LRP1B: variants seen among roughly 807,000 people sequenced by gnomAD.
LRP1B encodes LDL receptor related protein 1B, also known as low-density lipoprotein receptor-related protein 1B.
Under a neutral mutation model 556.6 loss-of-function variants are expected in LRP1B, and 217 were observed. That is an observed-to-expected ratio of 0.39 (90% CI 0.35 to 0.44). The LOEUF is 0.44. Among genes scored for constraint, LRP1B ranks in the 20% least tolerant of loss-of-function variants. The pLI is 1.00. For synonymous variants in LRP1B, 2,047 were observed against 1,865.8 expected, an observed-to-expected ratio of 1.10 and a Z score of -2.50; for missense variants, 5,053 against 5,620.8, an observed-to-expected ratio of 0.90 and a Z score of 3.23.
chr2:140,535,673 T>C (rs979237580), intron 46 of LRP1B, among the ~76,000 whole-genome samples: 1 of 152,088 alleles, frequency 6.6e-6, no homozygotes, highest in Non-Finnish European at 1.5e-5. Flanking sequence ...TAAAAATAAA[T>C]CAGGACAATT....
chr2:141,128,063 C>A (rs916556608), intron 7 of LRP1B, among the ~76,000 whole-genome samples: 13 of 152,078 alleles, frequency 8.5e-5, no homozygotes, highest in African/African-American at 2.9e-4. Flanking sequence ...TCATTGTAAC[C>A]TCAAACACCT....
chr2:141,199,937 G>C (rs1384399966), intron 6 of LRP1B, among the ~76,000 whole-genome samples: 2 of 152,050 alleles, frequency 1.3e-5, no homozygotes, highest in African/African-American at 4.8e-5. Context: ...ATGCTTCCAA[G>C]GCTTCAGATA....
chr2:140,998,146 A>G (rs1697308358), intron 15 of LRP1B, among the ~76,000 whole-genome samples: 1 of 152,084 alleles, frequency 6.6e-6, no homozygotes, highest in African/African-American at 2.4e-5. Flanking sequence ...GGGCTCCAGA[A>G]GGTGATAAAG....
At chr2:141,362,094 G>C (rs1460066145) in intron 3 of LRP1B, among the ~76,000 whole-genome samples, 2 of 152,112 alleles carry the variant, frequency 1.3e-5, no homozygotes, top group Non-Finnish European at 2.9e-5. Context: ...GAGCTATTTA[G>C]TATCTAAGAT....
At chr2:142,022,669 TATTTA>T (rs1294365425) in intron 1 of LRP1B, among the ~76,000 whole-genome samples, 3 of 152,092 alleles carry the variant, frequency 2.0e-5, no homozygotes, top group African/African-American at 7.2e-5. Context: ...TATTTTATTT[TATTTA>T]TTTATTTATT....
intron 1 of LRP1B, among the ~76,000 whole-genome samples, chr2:142,045,142 G>GGA (rs1491293085): frequency 1.4e-5 from 2 of 145,164 alleles, no homozygotes; most frequent in African/African-American, 2.5e-5. Flanking sequence ...ACCCAAGGGG[G>GGA]AAAAAAAAAA....
chr2:142,005,691 A>T (rs911237733), intron 1 of LRP1B, among the ~76,000 whole-genome samples: 1 of 152,130 alleles, frequency 6.6e-6, no homozygotes, highest in East Asian at 1.9e-4. Context: ...TCTTTATTAA[A>T]AGGGTTGTTA....
At chr2:140,259,804 C>CA (rs1398894646) in intron 86 of LRP1B, among the ~76,000 whole-genome samples, 2 of 151,662 alleles carry the variant, frequency 1.3e-5, no homozygotes, top group Non-Finnish European at 2.9e-5. Context: ...ATTCCCAGGC[C>CA]AATTTCATAA....
chr2:140,856,278 G>A (rs1464091929), intron 27 of LRP1B, among the ~76,000 whole-genome samples: 1 of 152,048 alleles, frequency 6.6e-6, no homozygotes, highest in Non-Finnish European at 1.5e-5. Context: ...CTTCCTTCAT[G>A]TCTCAGCTCA....
In LRP1B at chr2:140,541,903, C is replaced by T. The variant is rs542052268; in HGVS notation, c.7263G>A (p.Ser2421=). ...GCAGTATAGCTCTTCTTCCCCAGTC[C>T]GACCAGAATATATAATTGTCATAAA... is the stretch of plus-strand genomic sequence containing the variant. The part of the protein sequence containing the change: ...LAVYDNYIFW[S]DWGRRAILRS... Residue 2421 remains serine, a synonymous_variant, in exon 44 of 91, where the codon TCG becomes TCA. Transcript: ENST00000389484. 26 of 1,612,350 alleles carry T rather than the reference C, an allele frequency of 1.6e-5. No homozygotes were observed. The highest frequency in any genetic ancestry group is 5.5e-5 in the South Asian group (5 of 90,992).
chr2:141,524,070 G>C lies in LRP1B; in HGVS notation c.206-43537C>G, dbSNP rs1006024195. 2.6e-5 allele frequency among the ~76,000 whole-genome samples: 4 copies of C among 151,980 alleles called. No individual in the cohort carries two copies. In the East Asian group the frequency reaches 7.7e-4, roughly 29 times the overall value. ...TAAATGTGATCTCTGACTCCCCAAAGCACAATTTAAGGGCACTTAAAGTAT... is the reference window on the plus strand; with the variant it reads ...TAAATGTGATCTCTGACTCCCCAAACCACAATTTAAGGGCACTTAAAGTAT... On this transcript the variant is annotated intron_variant, in intron 2 of 90. Transcript: ENST00000389484.
At chr2:141,507,557 T>G in intron 2 of LRP1B, among the ~76,000 whole-genome samples, 1 of 152,170 alleles carries the variant, frequency 6.6e-6, no homozygotes, top group East Asian at 1.9e-4. Context: ...AAGCTTTCAG[T>G]GAATTCTCTT....
intron 43 of LRP1B, among the ~76,000 whole-genome samples, chr2:140,585,681 T>G (rs1307232622): frequency 2.0e-5 from 3 of 152,192 alleles, no homozygotes; most frequent in Non-Finnish European, 4.4e-5. Flanking sequence ...TTTAGTTTTC[T>G]TTTCACTTAT....
At chr2:142,009,188 G>A (rs964031264) in intron 1 of LRP1B, among the ~76,000 whole-genome samples, 3 of 152,144 alleles carry the variant, frequency 2.0e-5, no homozygotes, top group Admixed American at 6.5e-5. Flanking sequence ...ACAATAAGCT[G>A]TCTCTTCCAC....
At chr2:141,590,004 T>C (rs1377887136) in intron 2 of LRP1B, among the ~76,000 whole-genome samples, 4 of 152,238 alleles carry the variant, frequency 2.6e-5, no homozygotes, top group African/African-American at 4.8e-5. Flanking sequence ...CCATTTTTCA[T>C]GTTATTCTAA....
intron 2 of LRP1B, among the ~76,000 whole-genome samples, chr2:141,806,761 CAT>C (rs1167495509): frequency 6.6e-6 from 1 of 151,978 alleles, no homozygotes; most frequent in African/African-American, 2.4e-5. Context: ...TTGTTCTGTA[CAT>C]ATGTTTTCCT....
chr2:141,539,501 G>C (rs1685179730), intron 2 of LRP1B, among the ~76,000 whole-genome samples: 1 of 152,098 alleles, frequency 6.6e-6, no homozygotes, highest in Non-Finnish European at 1.5e-5. Context: ...AAGGAAGTTT[G>C]TGCTCCTATT....
At chr2:142,001,628 T>G (rs1192059164) in intron 1 of LRP1B, among the ~76,000 whole-genome samples, 2 of 152,178 alleles carry the variant, frequency 1.3e-5, no homozygotes, top group African/African-American at 4.8e-5. Context: ...ACAGCAAAGT[T>G]CATTGGAGAC....
chr2:141,674,256 T>C (rs890496894), intron 2 of LRP1B, among the ~76,000 whole-genome samples: 12 of 152,070 alleles, frequency 7.9e-5, no homozygotes, highest in African/African-American at 2.9e-4. Context: ...TTTGAATTGG[T>C]CTCTGATGTT....
Sources: gnomAD v4.1 joint callset for allele counts (sites outside exome capture counted in the v4.1 genomes callset) on GRCh38, gnomAD v4.1.1 for gene constraint, MANE v1.5 for transcripts, NCBI Gene and HGNC (gene_info 2026-07-23, HGNC 2026-07-21) for gene names.